Variants in IMPACT observed in about 807,000 individuals in gnomAD.
IMPACT encodes protein IMPACT.
A neutral mutation model predicts 47.5 loss-of-function variants in IMPACT; 35 were observed. That is an observed-to-expected ratio of 0.74 (90% CI 0.56 to 0.98). The LOEUF is 0.98. IMPACT is among the 50% of genes least tolerant of loss of function. The pLI, the probability that IMPACT is intolerant of heterozygous loss-of-function variation, is 0.00. For synonymous variants in IMPACT, 118 were observed against 125.6 expected (o/e 0.94, Z 0.40); for missense variants, 373 against 394.8 (o/e 0.94, Z 0.47).
At chr18:24,427,897 T>C (rs1453531970) in intron 1 of IMPACT, 22 bp from the exon 2 acceptor site, 2 of 1,591,198 alleles carry the variant, frequency 1.3e-6, no homozygotes, top group Non-Finnish European at 1.7e-6. Context: ...TTGTTGACTT[T>C]TAAAAAATCA....
intron 4 of IMPACT, among the ~76,000 whole-genome samples, chr18:24,432,780 A>G (rs190894066): frequency 7.5e-4 from 114 of 151,880 alleles, no homozygotes; most frequent in African/African-American, 2.6e-3. Flanking sequence ...TCTAGTGGCC[A>G]TTTTTCAGCT....
At chr18:24,430,232 GC>G in intron 3 of IMPACT, 89 bp from the exon 4 acceptor site, 1 of 866,218 alleles carries the variant, frequency 1.2e-6, no homozygotes, top group Non-Finnish European at 1.7e-6. Context: ...ATTTTTTAAA[GC>G]CAAAAAAATT....
intron 9 of IMPACT, 53 bp downstream of exon 9, chr18:24,448,236 C>T: frequency 8.3e-7 from 1 of 1,208,416 alleles, no homozygotes; most frequent in Non-Finnish European, 1.2e-6. Flanking sequence ...TAAAATTTCT[C>T]AACAAAACAG....
At chr18:24,442,977 C>T in intron 6 of IMPACT, 72 bp from the exon 7 acceptor site, 11 of 680,466 alleles carry the variant, frequency 1.6e-5, no homozygotes, top group South Asian at 7.8e-5. Context: ...TCCCAGCTGC[C>T]CCCCCATTTC....
At position 24,449,798 on chromosome 18, in the gene IMPACT, T is replaced by G. The variant is rs372876483; in HGVS notation, c.760-21T>G. The G allele has an allele frequency of 3.1e-5, 49 of 1,601,572 alleles. No homozygotes were observed. The African/African-American group carries it at 5.4e-4, about 18-fold the overall frequency. ...ATACATGTCTGTCTATGTATCTAAT[T>G]ATGCTTCCAAAAAATAACAGATTTT... On this transcript the variant is annotated intron_variant, in intron 9 of 10. Transcript: ENST00000284202.
chr18:24,430,196 C>T, intron 3 of IMPACT, 126 bp from the exon 4 acceptor site: 1 of 556,688 alleles, frequency 1.8e-6, no homozygotes, highest in Non-Finnish European at 3.1e-6. Context: ...TAGATTTATA[C>T]AAATATAAGA....
At chr18:24,449,735 A>C in intron 9 of IMPACT, 84 bp from the exon 10 acceptor site, 3 of 1,269,472 alleles carry the variant, frequency 2.4e-6, no homozygotes, top group Non-Finnish European at 3.4e-6. Flanking sequence ...AATTTTATAC[A>C]TGGGTTATTT....
At chr18:24,430,734 A>G (rs1908732190) in intron 4 of IMPACT, among the ~76,000 whole-genome samples, 1 of 152,192 alleles carries the variant, frequency 6.6e-6, no homozygotes, top group East Asian at 1.9e-4. Flanking sequence ...CCCCCATCTC[A>G]ATCTCAATAA....
chr18:24,448,333 TTGAA>T (rs1343334749), intron 9 of IMPACT, 150 bp downstream of exon 9: 10 of 486,556 alleles, frequency 2.1e-5, no homozygotes, highest in South Asian at 9.9e-5. Context: ...AAAATATTGA[TTGAA>T]TGAAAATTTT....
At chr18:24,439,487 A>T (rs970606660) in intron 5 of IMPACT, 2 of 152,252 alleles carry the variant, frequency 1.3e-5, no homozygotes, top group Non-Finnish European at 2.9e-5. Flanking sequence ...AATACAAAAA[A>T]TTAGCCGGGC....
chr18:24,427,819 C>A (rs1028216380), intron 1 of IMPACT, 100 bp from the exon 2 acceptor site: 4 of 1,164,646 alleles, frequency 3.4e-6, no homozygotes, highest in African/African-American at 3.2e-5. Context: ...AATTTTTGAT[C>A]TACTCTGGTA....
chr18:24,443,133 C>T lies in IMPACT; in HGVS notation c.575C>T (p.Pro192Leu), dbSNP rs768851434. The T allele has an allele frequency of 6.3e-7, 1 of 1,598,094 alleles. No individual in the cohort carries two copies. The highest frequency in any genetic ancestry group is 1.3e-5 in the African/African-American group (1 of 74,662). Residue 192 changes from proline to leucine, a missense_variant, in exon 7 of 11, where the codon CCA becomes CTA. Pro to Leu is a moderately conservative substitution (Grantham distance 98). Coordinates refer to ENST00000284202, the MANE Select transcript of IMPACT (RefSeq NM_018439.4). ...RRSTFQAHLAPVVCPKQVKMV... is the reference protein window; with the variant it reads ...RRSTFQAHLALVVCPKQVKMV... ...AGTACTTTTCAGGCACACTTGGCTC[C>T]AGTGGTTTGTCCCAAACAGGTAAAG... is the stretch of plus-strand genomic sequence containing the variant.
At chr18:24,446,281 G>GCCT (rs1909248100) in intron 8 of IMPACT, among the ~76,000 whole-genome samples, 2 of 152,110 alleles carry the variant, frequency 1.3e-5, no homozygotes, top group African/African-American at 4.8e-5. Flanking sequence ...GCCCAGGCTG[G>GCCT]CCTCAAACTC....
At chr18:24,426,867 A>AG in intron 1 of IMPACT, 75 bp downstream of exon 1, 1 of 1,087,232 alleles carries the variant, frequency 9.2e-7, no homozygotes, top group Non-Finnish European at 1.2e-6. Flanking sequence ...TCCTCAGCCG[A>AG]GGGGCCCTCC....
In IMPACT at chr18:24,426,808, G is replaced by T; in HGVS notation, c.36+16G>T. On this transcript the variant is annotated intron_variant, in intron 1 of 10. Transcript: ENST00000284202. ...CCAGAGGCAGGTGAGGCCCCGGCGG[G>T]GTGCTGTCTCTCCAGGCTCGGCTCC... 1.6e-6 allele frequency: 2 copies of T among 1,237,846 alleles called. No individual in the cohort carries two copies. Among genetic ancestry groups the T allele is most frequent in the Admixed American group, 4.2e-5 (1 of 23,704 alleles). The allele number at this position is 1,237,846 out of a possible 1,614,324, so 76.7% of individuals were successfully genotyped here. A position where few individuals can be genotyped will look rare whatever the true frequency, so the allele number is the denominator to read the frequency against.
rs1345462466 is a variant in IMPACT, at chr18:24,426,767, G to C, written c.11G>C (p.Gly4Ala). MAE[G>A]DAGSDQRQNE... Reference sequence around the variant, plus strand: ...AGGTCCAGGGGCCACATGGCTGAGGGGGACGCAGGGAGCGACCAGAGGCAG... The same window carrying C: ...AGGTCCAGGGGCCACATGGCTGAGGCGGACGCAGGGAGCGACCAGAGGCAG... The change falls in exon 1 of 11, where the codon GGG (glycine) becomes GCG (alanine). Residue 4 changes from glycine to alanine, a missense_variant. Coordinates refer to ENST00000284202, the MANE Select transcript of IMPACT (RefSeq NM_018439.4). 3.2e-5 allele frequency: 40 copies of C among 1,242,626 alleles called. No homozygotes were observed. Among genetic ancestry groups the C allele is most frequent in the Non-Finnish European group, 3.9e-5 (39 of 990,608 alleles). 77.0% of individuals were successfully genotyped at this position (1,242,626 alleles called of 1,614,324 possible). A position where few individuals can be genotyped will look rare whatever the true frequency, so the allele number is the denominator to read the frequency against.
At chr18:24,427,474 C>T (rs1295674320) in intron 1 of IMPACT, 1 of 153,858 alleles carries the variant, frequency 6.5e-6, no homozygotes, top group Non-Finnish European at 1.4e-5. Flanking sequence ...CCCCCCAACA[C>T]AAAATTTAAT....
At chr18:24,446,178 T>G (rs1909245489) in intron 8 of IMPACT, among the ~76,000 whole-genome samples, 1 of 151,968 alleles carries the variant, frequency 6.6e-6, no homozygotes, top group African/African-American at 2.4e-5. Flanking sequence ...TCCTCCCACC[T>G]CAGCCTCCCA....
At position 24,445,453 on chromosome 18, in the gene IMPACT, A is replaced by G. The variant is rs577358918; in HGVS notation, c.655A>G (p.Ile219Val). 5.1e-4 allele frequency: 822 copies of G among 1,601,254 alleles called. 14 individuals are homozygous for G. The South Asian group carries it at 8.6e-3, about 17-fold the overall frequency. ...NKKIASATHN[I>V]YAYRIYCEDK... ...GAAAATAGCTAGTGCCACCCACAAC[A>G]TCTATGCCTACAGGTGAGTAATCAT... The change falls in exon 8 of 11, where the codon ATC becomes GTC. Residue 219 changes from isoleucine to valine, a missense_variant. Coordinates refer to ENST00000284202, the MANE Select transcript of IMPACT (RefSeq NM_018439.4).
Sources: allele counts gnomAD v4.1 joint callset (sites outside exome capture counted in the v4.1 genomes callset), GRCh38; gene constraint gnomAD v4.1.1; transcripts MANE v1.5; gene names NCBI Gene and HGNC (gene_info 2026-07-23, HGNC 2026-07-21).